ZFHX3: variants seen among roughly 807,000 people sequenced by gnomAD.
ZFHX3 encodes the protein zinc finger homeobox 3, also known as zinc finger homeobox protein 3.
Under a neutral mutation model 279.1 loss-of-function variants are expected in ZFHX3, and 42 were observed. The observed-to-expected ratio is 0.15, with a 90% CI of 0.12 to 0.19. The LOEUF (loss-of-function observed/expected upper bound fraction) is 0.19, where lower values mean the gene tolerates loss of function less well. Among genes scored for constraint, ZFHX3 ranks in the 10% least tolerant of loss-of-function variants. ZFHX3 has a pLI of 1.00. For missense variants in ZFHX3, 4,981 were observed against 4,754.0 expected, an observed-to-expected ratio of 1.05 and a Z score of -1.40; for synonymous variants, 2,293 against 1,957.8, an observed-to-expected ratio of 1.17 and a Z score of -4.52.
intron 2 of ZFHX3, among the ~76,000 whole-genome samples, chr16:73,563,447 C>T (rs1291447027): frequency 2.0e-5 from 3 of 151,858 alleles, no homozygotes; most frequent in East Asian, 3.9e-4. Flanking sequence ...TTAGCAGAGA[C>T]GGGGTTTCAC....
At chr16:73,595,967 G>T (rs886653996) in intron 2 of ZFHX3, among the ~76,000 whole-genome samples, 2 of 147,900 alleles carry the variant, frequency 1.4e-5, no homozygotes, top group Non-Finnish European at 3.0e-5. Context: ...TCTCTCTCCC[G>T]ACCATTACTT....
rs1220435409 is a variant in ZFHX3 at position 72,796,353 on chromosome 16, A to G, written c.6329T>C (p.Leu2110Ser). The change falls in exon 9 of 10, where the codon TTG becomes TCG. Residue 2110 changes from leucine to serine, a missense_variant. Physicochemically the swap from Leu to Ser is moderately radical, Grantham distance 145. Coordinates refer to ENST00000268489, the MANE Select transcript of ZFHX3 (RefSeq NM_006885.4). ...LMMQTMPLQT[L>S]PAQLPPQLGP... ...CAGCTGCGGGGGTAGCTGAGCCGGC[A>G]AGGTCTGCAGCGGCATCGTCTGCAT... 5 of 1,613,956 alleles carry G rather than the reference A, an allele frequency of 3.1e-6. No homozygotes were observed. The highest frequency in any genetic ancestry group is 1.7e-5 in the Admixed American group (1 of 60,004).
chr16:72,966,061 C>T (rs537233822), intron 1 of ZFHX3, among the ~76,000 whole-genome samples: 32 of 152,150 alleles, frequency 2.1e-4, no homozygotes, highest in African/African-American at 5.8e-4. Flanking sequence ...ATTTTATAGC[C>T]GACTAATGAT....
intron 5 of ZFHX3, among the ~76,000 whole-genome samples, chr16:73,151,013 A>T (rs1337922630): frequency 6.6e-6 from 1 of 152,254 alleles, no homozygotes; most frequent in Admixed American, 6.5e-5. Context: ...GGCAATAAAA[A>T]GGAATAAATG....
intron 5 of ZFHX3, among the ~76,000 whole-genome samples, chr16:73,218,367 A>C (rs951203374): frequency 4.6e-5 from 7 of 152,266 alleles, no homozygotes; most frequent in Admixed American, 4.6e-4. Flanking sequence ...AAGGAAACAC[A>C]GGATTATGCA....
intron 1 of ZFHX3, among the ~76,000 whole-genome samples, chr16:72,975,872 G>A (rs1017487041): frequency 1.3e-5 from 2 of 152,272 alleles, no homozygotes; most frequent in Non-Finnish European, 2.9e-5. Context: ...CCAAGGCCAC[G>A]TTAAATAGTA....
chr16:72,847,755 G>T (rs1338656404), intron 4 of ZFHX3, among the ~76,000 whole-genome samples: 1 of 152,022 alleles, frequency 6.6e-6, no homozygotes, highest in Non-Finnish European at 1.5e-5. Context: ...CGCAAAGCAG[G>T]GGAGAGTAAG....
Position 73,417,305 on chromosome 16 carries a change from C to CGTGA in ZFHX3, c.-1291+38694_-1291+38697dup, listed in dbSNP as rs1217457106. ...TGTGGATAGGATCCAAGAAACAGGACGTGAGTGAAAACACCGGTGAAATCC... is the reference window on the plus strand; with the variant it reads ...TGTGGATAGGATCCAAGAAACAGGACGTGAGTGAGTGAAAACACCGGTGAAATCC... On this transcript the variant is annotated intron_variant, in intron 3 of 17. Transcript: ENST00000641206. Among the ~76,000 whole-genome samples the CGTGA allele has an allele frequency of 3.3e-5, 5 of 151,448 alleles. 1 individual carries two copies. The highest frequency in any genetic ancestry group is 1.2e-4 in the African/African-American group (5 of 41,038).
intron 3 of ZFHX3, among the ~76,000 whole-genome samples, chr16:73,413,558 A>G (rs547160063): frequency 1.3e-5 from 2 of 152,306 alleles, no homozygotes; most frequent in South Asian, 4.1e-4. Context: ...CAGTAGCTCT[A>G]TGCTGGGGGC....
intron 4 of ZFHX3, among the ~76,000 whole-genome samples, chr16:72,853,212 A>G (rs1167389547): frequency 6.6e-6 from 1 of 152,090 alleles, no homozygotes; most frequent in Non-Finnish European, 1.5e-5. Flanking sequence ...AACCCCACCC[A>G]CTCTAAAAAG....
chr16:73,314,257 T>C (rs752626218), intron 4 of ZFHX3, among the ~76,000 whole-genome samples: 1 of 152,324 alleles, frequency 6.6e-6, no homozygotes, highest in South Asian at 2.1e-4. Flanking sequence ...GTCTGCACTA[T>C]CAGCACTCCT....
At chr16:73,192,487 A>C (rs1345598831) in intron 5 of ZFHX3, among the ~76,000 whole-genome samples, 1 of 152,114 alleles carries the variant, frequency 6.6e-6, no homozygotes, top group African/African-American at 2.4e-5. Flanking sequence ...GTGCCAAAGA[A>C]AGTTACTCAG....
At chr16:73,278,454 G>C (rs1001431381) in intron 4 of ZFHX3, among the ~76,000 whole-genome samples, 1 of 152,160 alleles carries the variant, frequency 6.6e-6, no homozygotes, top group Non-Finnish European at 1.5e-5. Context: ...AATGAAGCCA[G>C]GGACCATCAA....
chr16:73,219,513 C>A (rs2012336166), intron 5 of ZFHX3, among the ~76,000 whole-genome samples: 2 of 152,176 alleles, frequency 1.3e-5, no homozygotes, highest in Admixed American at 1.3e-4. Flanking sequence ...ACAACTGGGG[C>A]AGGATAATAC....
chr16:72,821,432 C>T (rs2036788355), intron 5 of ZFHX3, among the ~76,000 whole-genome samples: 1 of 152,200 alleles, frequency 6.6e-6, no homozygotes, highest in Non-Finnish European at 1.5e-5. Context: ...CTTTCCGTCT[C>T]CATTGAGTTC....
chr16:73,718,183 G>A (rs1597080208), intron 1 of ZFHX3, among the ~76,000 whole-genome samples: 1 of 152,312 alleles, frequency 6.6e-6, no homozygotes, highest in East Asian at 1.9e-4. Context: ...AGCCAAAGGG[G>A]GTAGATGACT....
chr16:73,529,877 A>G (rs1055081094), intron 2 of ZFHX3, among the ~76,000 whole-genome samples: 4 of 152,112 alleles, frequency 2.6e-5, no homozygotes, highest in African/African-American at 9.7e-5. Context: ...GGCAGCAGAA[A>G]TTTCTTAGAA....
intron 1 of ZFHX3, among the ~76,000 whole-genome samples, chr16:73,036,404 G>A (rs984618883): frequency 2.6e-5 from 4 of 152,186 alleles, no homozygotes; most frequent in Admixed American, 1.3e-4. Flanking sequence ...ACAGGAATGC[G>A]CTCTGCCGCT....
chr16:72,979,570 A>G (rs1962498089), intron 1 of ZFHX3, among the ~76,000 whole-genome samples: 1 of 152,230 alleles, frequency 6.6e-6, no homozygotes, highest in South Asian at 2.1e-4. Flanking sequence ...TCTCTCAGGA[A>G]GCTTTTATTG....
Sources: gnomAD v4.1 joint callset for allele counts (sites outside exome capture counted in the v4.1 genomes callset) on GRCh38, gnomAD v4.1.1 for gene constraint, MANE v1.5 for transcripts, NCBI Gene and HGNC (gene_info 2026-07-23, HGNC 2026-07-21) for gene names.